The following B3GALT5 variants were observed in gnomAD, a reference collection of about 807,000 sequenced individuals.
B3GALT5 encodes UDP-Gal:betaGlcNAc beta 1,3-galactosyltransferase, polypeptide 5.
For missense variants in B3GALT5, 328 were observed against 396.6 expected (o/e 0.83, Z 1.47); for synonymous variants, 156 against 158.6 (o/e 0.98, Z 0.12).
intron 1 of B3GALT5, among the ~76,000 whole-genome samples, chr21:39,615,635 G>A (rs2079103634): frequency 6.6e-6 from 1 of 152,168 alleles, no homozygotes; most frequent in Non-Finnish European, 1.5e-5. Flanking sequence ...GCAAATCCCA[G>A]CTTTGACAGG....
rs541641736 is a variant in B3GALT5 at position 39,638,756 on chromosome 21, C to T, written c.-391-7636C>T. On this transcript the variant is annotated intron_variant, in intron 1 of 3. Transcript: ENST00000684187. The stretch of plus-strand genomic sequence containing the variant: ...GTAAACATTCACCCCTAGACACTGC[C>T]GTGGGGTCAGAGCCCCACAGCCTGC... Among the ~76,000 whole-genome samples the T allele has an allele frequency of 2.0e-4, 30 of 152,270 alleles. 2 individuals are homozygous for T. The highest frequency in any genetic ancestry group is 1.5e-3 in the Admixed American group (23 of 15,298).
intron 1 of B3GALT5, among the ~76,000 whole-genome samples, chr21:39,639,347 TTTCCTTCCTTCCTTCCTTCC>T (rs71184690): frequency 4.5e-5 from 3 of 66,788 alleles, no homozygotes; most frequent in African/African-American, 1.9e-4. Flanking sequence ...TCTTTCTTTC[TTTCCTTCCTTCCTTCCTTCC>T]TTCCTTCCTT....
In B3GALT5 at chr21:39,672,173, C is replaced by T. The variant is rs1407062210; in HGVS notation, c.*10681C>T. The T allele has an allele frequency of 3.9e-5, 6 of 152,214 alleles. No individual in the cohort carries two copies. The highest frequency in any genetic ancestry group is 8.8e-5 in the Non-Finnish European group (6 of 68,052). 9.4% of individuals were successfully genotyped at this position (152,214 alleles called of 1,614,324 possible). On this transcript the variant is annotated 3_prime_UTR_variant, in exon 4 of 4. Coordinates refer to ENST00000684187, the MANE Select transcript of B3GALT5 (RefSeq NM_001356336.2). ...CCAGTGTGGCGTGGACACAGCCAGG[C>T]GCAGACCCTCCTGCCAGCGAAGCCA... is the stretch of plus-strand genomic sequence containing the variant.
In B3GALT5 at chr21:39,659,832, G is replaced by T; in HGVS notation, c.-81G>T. 1 of 984,882 alleles carries T rather than the reference G, an allele frequency of 1.0e-6. No individual in the cohort carries two copies. Among genetic ancestry groups the T allele is most frequent in the Non-Finnish European group, 1.2e-6 (1 of 829,810 alleles). 61.0% of individuals were successfully genotyped at this position (984,882 alleles called of 1,614,324 possible). On this transcript the variant is annotated 5_prime_UTR_variant, in exon 3 of 4. Coordinates refer to ENST00000684187, the MANE Select transcript of B3GALT5 (RefSeq NM_001356336.2). ...AATTATGGAGCATTCTACACTGACA[G>T]TTCTTTGAGACAAATTTCCTCTTGG... is the stretch of plus-strand genomic sequence containing the variant.
At chr21:39,653,484 A>T (rs1213019438) in intron 2 of B3GALT5, among the ~76,000 whole-genome samples, 3 of 152,164 alleles carry the variant, frequency 2.0e-5, no homozygotes, top group African/African-American at 7.2e-5. Context: ...TGCAGGGGAA[A>T]CAGTTTTTCC....
rs761818773 is a variant in B3GALT5 at position 39,661,485 on chromosome 21, C to T, written c.926C>T (p.Pro309Leu). Residue 309 changes from proline to leucine, a missense_variant, in exon 4 of 4, where the codon CCT becomes CTT. Coordinates refer to ENST00000684187, the MANE Select transcript of B3GALT5 (RefSeq NM_001356336.2). This position sits in a 1 kb window ranked among gnomAD's most constrained non-coding sequence, Gnocchi z 4.7. ...LENSRGEDCP[P>L]V ...AATTCCCGGGGGGAAGATTGTCCGC[C>T]TGTCTGAGGGGAGCCCAGAGGCACA... 5 of 1,508,208 alleles carry T rather than the reference C, an allele frequency of 3.3e-6. No homozygotes were observed. In the East Asian group the frequency reaches 6.9e-5, roughly 21 times the overall value. 93.4% of individuals were successfully genotyped at this position (1,508,208 alleles called of 1,614,324 possible).
At position 39,663,229 on chromosome 21, in the gene B3GALT5, C is replaced by T. The variant is rs1050125034; in HGVS notation, c.*1737C>T. 6.6e-6 allele frequency: 1 copy of T among 152,400 alleles called. No homozygotes were observed. The highest frequency in any genetic ancestry group is 1.5e-5 in the Non-Finnish European group (1 of 68,072). 9.4% of individuals were successfully genotyped at this position (152,400 alleles called of 1,614,324 possible). Reference sequence around the variant, plus strand: ...TGGCAGTAGGCCTGCGTCTGTGTTTCGTGGTCTACCTTGTCAGGTGTGTGT... The same window carrying T: ...TGGCAGTAGGCCTGCGTCTGTGTTTTGTGGTCTACCTTGTCAGGTGTGTGT... On this transcript the variant is annotated 3_prime_UTR_variant, in exon 4 of 4. Transcript: ENST00000684187.
chr21:39,631,426 G>A (rs1182324165), intron 1 of B3GALT5, among the ~76,000 whole-genome samples: 1 of 152,058 alleles, frequency 6.6e-6, no homozygotes, highest in Non-Finnish European at 1.5e-5. Flanking sequence ...CTAATTATAA[G>A]GACAGCAGGG....
chr21:39,639,460 C>CTTTT (rs759245065), intron 1 of B3GALT5, among the ~76,000 whole-genome samples: 2 of 109,450 alleles, frequency 1.8e-5, no homozygotes, highest in African/African-American at 3.8e-5. Flanking sequence ...TTCTTTTTTT[C>CTTTT]TTTCTCTCTC....
rs945964911 is a variant in B3GALT5 at position 39,670,253 on chromosome 21, G to C, written c.*8761G>C. The C allele has an allele frequency of 1.3e-5, 2 of 149,854 alleles. No homozygotes were observed. The highest frequency in any genetic ancestry group is 1.9e-4 in the East Asian group (1 of 5,190). 9.3% of individuals were successfully genotyped at this position (149,854 alleles called of 1,614,324 possible). ...TGTGTGTGTATCTATGAGAGAGAGA[G>C]AGACAGACAGACAGATCTGAGGCTC... On this transcript the variant is annotated 3_prime_UTR_variant, in exon 4 of 4. Transcript: ENST00000684187.
In B3GALT5 at chr21:39,640,247, C is replaced by T. The variant is rs564656918; in HGVS notation, c.-391-6145C>T. 1.8e-4 allele frequency among the ~76,000 whole-genome samples: 27 copies of T among 152,220 alleles called. No individual in the cohort carries two copies. The South Asian group carries it at 2.7e-3, about 15-fold the overall frequency. On this transcript the variant is annotated intron_variant, in intron 1 of 3. Coordinates refer to ENST00000684187, the MANE Select transcript of B3GALT5 (RefSeq NM_001356336.2). ...CTGTGGAGCACATGCTTTGAACCAC[C>T]GACCATGACTCTAGGTGGTGGGCGG...
chr21:39,671,008 C>T lies in B3GALT5; in HGVS notation c.*9516C>T, dbSNP rs1403778088. On this transcript the variant is annotated 3_prime_UTR_variant, in exon 4 of 4. Coordinates refer to ENST00000684187, the MANE Select transcript of B3GALT5 (RefSeq NM_001356336.2). Reference sequence around the variant, plus strand: ...TCATGGTTCTAGAGGCTAGGAAGTCCAAGAGCTTGGCACTGGCCTCTGGTG... The same window carrying T: ...TCATGGTTCTAGAGGCTAGGAAGTCTAAGAGCTTGGCACTGGCCTCTGGTG... The T allele has an allele frequency of 6.6e-6, 1 of 152,238 alleles. No homozygotes were observed. The highest frequency in any genetic ancestry group is 2.4e-5 in the African/African-American group (1 of 41,460). The allele number at this position is 152,238 out of a possible 1,614,324, so 9.4% of individuals were successfully genotyped here.
chr21:39,638,052 G>C (rs1395893832), intron 1 of B3GALT5, among the ~76,000 whole-genome samples: 1 of 152,148 alleles, frequency 6.6e-6, no homozygotes, highest in Non-Finnish European at 1.5e-5. Context: ...TTTTATGTCT[G>C]TTTGATACGG....
At chr21:39,645,070 G>A (rs2079324523) in intron 1 of B3GALT5, among the ~76,000 whole-genome samples, 1 of 152,160 alleles carries the variant, frequency 6.6e-6, no homozygotes, top group African/African-American at 2.4e-5. Context: ...GGTTAGCAAC[G>A]TGCTCCCTAA....
At chr21:39,650,599 A>G (rs983670788) in intron 2 of B3GALT5, among the ~76,000 whole-genome samples, 3 of 152,182 alleles carry the variant, frequency 2.0e-5, no homozygotes, top group African/African-American at 7.2e-5. Flanking sequence ...AGGGGACGCC[A>G]CAAGCACCCC....
At chr21:39,636,955 C>G (rs969002851) in intron 1 of B3GALT5, among the ~76,000 whole-genome samples, 1 of 152,152 alleles carries the variant, frequency 6.6e-6, no homozygotes, top group African/African-American at 2.4e-5. Context: ...CATGTGTTGT[C>G]TTTCTCATTC....
At chr21:39,644,684 C>T (rs552659024) in intron 1 of B3GALT5, among the ~76,000 whole-genome samples, 1 of 152,288 alleles carries the variant, frequency 6.6e-6, no homozygotes, top group South Asian at 2.1e-4. Context: ...GGAAAGGGAG[C>T]TAGTATTTAT....
At chr21:39,651,039 C>A (rs952360243) in intron 2 of B3GALT5, among the ~76,000 whole-genome samples, 2 of 151,916 alleles carry the variant, frequency 1.3e-5, no homozygotes, top group African/African-American at 2.4e-5. Context: ...TCCCCTGAAT[C>A]GGTGCCATCG....
chr21:39,630,410 C>A (rs752748983), intron 1 of B3GALT5: 4 of 152,098 alleles, frequency 2.6e-5, no homozygotes, highest in African/African-American at 9.7e-5. Context: ...CTCAATACCC[C>A]CTTTGACACT....
Sources: gnomAD v4.1 joint callset for allele counts (sites outside exome capture counted in the v4.1 genomes callset) on GRCh38, gnomAD v4.1.1 for gene constraint, Gnocchi (gnomAD v3.1) non-coding constraint, MANE v1.5 for transcripts, NCBI Gene and HGNC (gene_info 2026-07-23, HGNC 2026-07-21) for gene names.